The following EDRF1 variants were observed in gnomAD, a reference collection of about 807,000 sequenced individuals.
EDRF1 encodes the protein erythroid differentiation regulatory factor 1, also known as erythroid differentiation-related factor 1.
Under a neutral mutation model 148.7 loss-of-function variants are expected in EDRF1, and 69 were observed. The observed-to-expected ratio is 0.46, with a 90% CI of 0.38 to 0.57. The LOEUF (loss-of-function observed/expected upper bound fraction) is 0.57. Ranked by LOEUF, EDRF1 falls within the 20% of genes least tolerant of loss-of-function variation. The pLI is 0.00. For missense variants in EDRF1, 1,118 were observed against 1,478.7 expected (o/e 0.76, Z 4.00); for synonymous variants, 515 against 532.8 (o/e 0.97, Z 0.46).
At chr10:125,748,605 T>TAAG (rs1849490310) in intron 21 of EDRF1, 1 of 166,312 alleles carries the variant, frequency 6.0e-6, no homozygotes, top group Non-Finnish European at 1.3e-5. Flanking sequence ...CCCCGTAAGG[T>TAAG]AAGACTACTT....
In EDRF1 at chr10:125,729,008, T is replaced by C; in HGVS notation, c.798T>C (p.Ser266=). 6.3e-7 allele frequency: 1 copy of C among 1,577,044 alleles called. No individual in the cohort carries two copies. The highest frequency in any genetic ancestry group is 8.6e-7 in the Non-Finnish European group (1 of 1,168,998). The change falls in exon 7 of 25, where the codon AGT becomes AGC. Residue 266 remains serine (S), a synonymous_variant. Transcript: ENST00000356792. The part of the protein sequence containing the change: ...SEDPSASSQG[S]EPLEPSYIVG... ...TATCCTTGCACTTTTCACAGGGAAG[T>C]GAGCCTCTTGAACCCTCATACATAG...
In EDRF1 at chr10:125,748,157, C is replaced by CT. The variant is rs368826792; in HGVS notation, c.3123+152dup. 176 of 947,792 alleles carry CT rather than the reference C, an allele frequency of 1.9e-4. 2 individuals carry two copies. The highest frequency in any genetic ancestry group is 1.7e-3 in the African/African-American group (108 of 61,842). 58.7% of individuals were successfully genotyped at this position (947,792 alleles called of 1,614,324 possible). On this transcript the variant is annotated intron_variant, in intron 21 of 24. Coordinates refer to ENST00000356792, the MANE Select transcript of EDRF1 (RefSeq NM_001202438.2). The stretch of plus-strand genomic sequence containing the variant: ...CCTAAATTTTCTGCTGCGTCTGTGC[C>CT]TTTTTTTGTGCTGTGCCACTTAAAC...
intron 11 of EDRF1, 35 bp from the exon 12 acceptor site, chr10:125,734,037 A>G (rs1388373435): frequency 1.3e-6 from 2 of 1,512,568 alleles, no homozygotes; most frequent in South Asian, 1.1e-5. Context: ...CAACGATGAA[A>G]TGGGCAGTAA....
intron 17 of EDRF1, chr10:125,742,094 TTGG>T: frequency 1.8e-6 from 1 of 569,588 alleles, no homozygotes; most frequent in Admixed American, 2.6e-5. Flanking sequence ...GGTATAACAG[TTGG>T]TGAAGGAGGT....
At chr10:125,759,871 C>T (rs1187388826) in intron 24 of EDRF1, among the ~76,000 whole-genome samples, 2 of 152,110 alleles carry the variant, frequency 1.3e-5, no homozygotes, top group South Asian at 2.1e-4. Flanking sequence ...CCACCACACC[C>T]GGCTAATTTT....
chr10:125,755,463 T>C (rs1396387552), intron 24 of EDRF1, among the ~76,000 whole-genome samples: 1 of 152,228 alleles, frequency 6.6e-6, no homozygotes, highest in Non-Finnish European at 1.5e-5. Flanking sequence ...TCACTTTTCT[T>C]ATAATGGGTT....
At position 125,745,843 on chromosome 10, in the gene EDRF1, C is replaced by T. The variant is rs372451968; in HGVS notation, c.2727C>T (p.Leu909=). 11 of 1,614,100 alleles carry T rather than the reference C, an allele frequency of 6.8e-6. No homozygotes were observed. Among genetic ancestry groups the T allele is most frequent in the African/African-American group, 6.7e-5 (5 of 74,938 alleles). Reference sequence around the variant, plus strand: ...TTTTATTATGTAACACGGGAAGGCTCATGCGGATTTGTGCGCAGGCCCACT... The same window carrying T: ...TTTTATTATGTAACACGGGAAGGCTTATGCGGATTTGTGCGCAGGCCCACT... ...AALLLCNTGR[L]MRICAQAHCG... Residue 909 remains leucine, a synonymous_variant, in exon 19 of 25, where the codon CTC becomes CTT. Transcript: ENST00000356792.
chr10:125,763,536 C>T lies in EDRF1; in HGVS notation c.*64C>T, dbSNP rs956079855. ...TCAACACGGAGCCGGTTTGTTCATTCGGTGCTTTGTTTCATTAAATAATAG... is the reference window on the plus strand; with the variant it reads ...TCAACACGGAGCCGGTTTGTTCATTTGGTGCTTTGTTTCATTAAATAATAG... On this transcript the variant is annotated 3_prime_UTR_variant, in exon 25 of 25. Transcript: ENST00000356792. This position sits in a 1 kb window ranked among gnomAD's most constrained non-coding sequence, Gnocchi z 4.3. The T allele has an allele frequency of 6.6e-6, 10 of 1,518,412 alleles. No individual in the cohort carries two copies. Among genetic ancestry groups the T allele is most frequent in the African/African-American group, 2.7e-5 (2 of 72,824 alleles). 94.1% of individuals were successfully genotyped at this position (1,518,412 alleles called of 1,614,324 possible).
At chr10:125,739,029 G>T (rs750041656) in intron 15 of EDRF1, among the ~76,000 whole-genome samples, 5 of 151,992 alleles carry the variant, frequency 3.3e-5, no homozygotes, top group Non-Finnish European at 7.4e-5. Context: ...TATGGACTTC[G>T]AAGCAGAAGT....
chr10:125,738,116 A>C, intron 14 of EDRF1, 127 bp downstream of exon 14: 2 of 1,345,086 alleles, frequency 1.5e-6, no homozygotes, highest in Admixed American at 3.5e-5. Flanking sequence ...TTCCTTAAGC[A>C]TAAAGTGAAA....
chr10:125,739,311 C>G (rs1380359848), intron 15 of EDRF1, among the ~76,000 whole-genome samples: 2 of 151,940 alleles, frequency 1.3e-5, no homozygotes, highest in Admixed American at 6.5e-5. Context: ...GTAAGGAGAT[C>G]ACACCAGGAC....
Position 125,740,495 on chromosome 10 carries a change from C to G in EDRF1, c.2014C>G (p.Gln672Glu), listed in dbSNP as rs779634378. The change falls in exon 16 of 25, where the codon CAA (glutamine) becomes GAA (glutamate). Residue 672 changes from glutamine (Q) to glutamate (E), a missense_variant. Gln to Glu is a conservative substitution (Grantham distance 29). Around this residue, in one of 3 missense-constraint regions of EDRF1, gnomAD observed 954 missense variants for 1,241.4 expected, o/e 0.77. Transcript: ENST00000356792. ...GSLQKGNYSS[Q>E]SGMIPGSWQH... ...CCTTCAGAAGGGCAATTATTCCAGT[C>G]AATCTGGAATGATCCCTGGCTCTTG... The G allele has an allele frequency of 6.2e-7, 1 of 1,613,966 alleles. No homozygotes were observed. The highest frequency in any genetic ancestry group is 1.1e-5 in the South Asian group (1 of 91,042).
At position 125,749,506 on chromosome 10, in the gene EDRF1, C is replaced by T; in HGVS notation, c.3218C>T (p.Pro1073Leu). The change falls in exon 22 of 25, where the codon CCC becomes CTC. Residue 1073 changes from proline (P) to leucine (L), a missense_variant. Pro to Leu is a moderately conservative substitution (Grantham distance 98, BLOSUM62 -3). This residue lies in a region of EDRF1 where 954 missense variants were observed against 1,241.4 expected (regional missense o/e 0.77). Transcript: ENST00000356792. ...CTGTTTCAGCTGCTGAAAGATGCTC[C>T]CTGCGAACTGCTTAGAGTACAGCTA... The part of the protein sequence containing the change: ...AKLFQLLKDA[P>L]CELLRVQLER... The T allele has an allele frequency of 6.2e-7, 1 of 1,614,154 alleles. No homozygotes were observed. The highest frequency in any genetic ancestry group is 8.5e-7 in the Non-Finnish European group (1 of 1,180,036).
chr10:125,740,550 T>A lies in EDRF1; in HGVS notation c.2069T>A (p.Leu690His). 1 of 1,614,156 alleles carries A rather than the reference T, an allele frequency of 6.2e-7. No homozygotes were observed. Residue 690 changes from leucine to histidine, a missense_variant, in exon 16 of 25, where the codon CTC becomes CAC. By Grantham distance (99) the Leu-to-His change is moderately conservative. Around this residue, in one of 3 missense-constraint regions of EDRF1, gnomAD observed 954 missense variants for 1,241.4 expected, o/e 0.77. Transcript: ENST00000356792. ...WQHKMKLQLILKSSKAYYVLS... is the reference protein window; with the variant it reads ...WQHKMKLQLIHKSSKAYYVLS... The stretch of plus-strand genomic sequence containing the variant: ...CATAAAATGAAACTTCAGCTGATTC[T>A]CAAGTCATCAAAGGCCTATTATGTT...
chr10:125,761,097 C>T (rs1850169661), intron 24 of EDRF1: 3 of 233,302 alleles, frequency 1.3e-5, no homozygotes, highest in Non-Finnish European at 2.6e-5. Flanking sequence ...CTGCTTTTTC[C>T]ACTTCATGCC....
intron 19 of EDRF1, chr10:125,746,732 G>C (rs1387939556): frequency 6.6e-6 from 1 of 152,278 alleles, no homozygotes; most frequent in African/African-American, 2.4e-5. Context: ...CAAGCATGTT[G>C]CCAACACGCC....
intron 9 of EDRF1, among the ~76,000 whole-genome samples, chr10:125,730,669 C>T (rs1848443850): frequency 6.6e-6 from 1 of 152,112 alleles, no homozygotes; most frequent in Admixed American, 6.5e-5. Context: ...ATGCCAAGCT[C>T]TCATTAATAA....
chr10:125,737,795 G>C (rs959872966), intron 13 of EDRF1, 123 bp from the exon 14 acceptor site: 2 of 930,934 alleles, frequency 2.1e-6, no homozygotes, highest in South Asian at 2.7e-5. Context: ...CATATATGTT[G>C]TAGGATCTTT....
intron 24 of EDRF1, among the ~76,000 whole-genome samples, chr10:125,760,645 G>A (rs774367403): frequency 9.9e-5 from 15 of 152,086 alleles, no homozygotes; most frequent in African/African-American, 1.7e-4. Flanking sequence ...TTATTGTTAA[G>A]AGGAAAATAC....
Sources: gnomAD v4.1 joint callset for allele counts (sites outside exome capture counted in the v4.1 genomes callset) on GRCh38, gnomAD v4.1.1 for gene constraint, gnomAD v4.1.1 regional missense constraint, Gnocchi (gnomAD v3.1) non-coding constraint, MANE v1.5 for transcripts, NCBI Gene and HGNC (gene_info 2026-07-23, HGNC 2026-07-21) for gene names.